CADPS: variants seen among roughly 807,000 people sequenced by gnomAD.
CADPS encodes the protein calcium-dependent secretion activator 1.
In CADPS, 57 loss-of-function variants were observed where a neutral mutation model predicts 167.3. The ratio of observed to expected loss-of-function variants is 0.34; its 90% CI spans 0.28 to 0.42. The LOEUF is 0.42. CADPS is among the 20% of genes least tolerant of loss of function. The probability of loss-of-function intolerance (pLI) is 1.00; values close to 1 mark genes in which losing one functional copy is unlikely to be tolerated. For synonymous variants in CADPS, 676 were observed against 635.3 expected (o/e 1.06, Z -0.96); for missense variants, 1,414 against 1,738.1 (o/e 0.81, Z 3.32).
intron 3 of CADPS, among the ~76,000 whole-genome samples, chr3:62,717,290 G>A (rs966909559): frequency 2.0e-5 from 3 of 152,126 alleles, no homozygotes; most frequent in African/African-American, 7.2e-5. Flanking sequence ...AAAGATAAAT[G>A]CCAAATGGTC....
intron 3 of CADPS, among the ~76,000 whole-genome samples, chr3:62,726,149 A>G (rs1417963849): frequency 6.6e-6 from 1 of 151,830 alleles, no homozygotes; most frequent in Non-Finnish European, 1.5e-5. Context: ...TTGAAGCTCC[A>G]TCCTTGGGTA....
Position 62,455,459 on chromosome 3 carries a change from A to G in CADPS, c.3637-9662T>C, listed in dbSNP as rs2058581970. ...GAAAAGATCCACAACTAGTGACATT[A>G]TGGAGCTGGTATTTGAAGCATGGTT... On this transcript the variant is annotated intron_variant, in intron 26 of 29. Coordinates refer to ENST00000383710, the MANE Select transcript of CADPS (RefSeq NM_003716.4). The surrounding 1 kb of genome is among the most constrained non-coding windows in gnomAD (Gnocchi z 4.4). Among the ~76,000 whole-genome samples the G allele has an allele frequency of 6.6e-6, 1 of 152,178 alleles. No individual in the cohort carries two copies. The highest frequency in any genetic ancestry group is 1.5e-5 in the Non-Finnish European group (1 of 68,038).
chr3:62,493,911 T>C (rs2064171215), intron 18 of CADPS, among the ~76,000 whole-genome samples: 1 of 152,202 alleles, frequency 6.6e-6, no homozygotes, highest in African/African-American at 2.4e-5. Flanking sequence ...GTAAAAAGTA[T>C]TCATTAAGTT....
At chr3:62,720,885 T>C (rs1213485464) in intron 3 of CADPS, among the ~76,000 whole-genome samples, 1 of 150,748 alleles carries the variant, frequency 6.6e-6, no homozygotes, top group East Asian at 2.0e-4. Context: ...TGGTGCGATC[T>C]TGGCTCACTG....
At chr3:62,685,582 T>A (rs2077856065) in intron 3 of CADPS, among the ~76,000 whole-genome samples, 1 of 151,256 alleles carries the variant, frequency 6.6e-6, no homozygotes. Flanking sequence ...GGATACAAAA[T>A]TACAGCTAGA....
rs2068467217 is a variant in CADPS, at chr3:62,514,171, T to C, written c.2582-1403A>G. 6.6e-6 allele frequency among the ~76,000 whole-genome samples: 1 copy of C among 152,072 alleles called. No individual in the cohort carries two copies. Among genetic ancestry groups the C allele is most frequent in the Admixed American group, 6.6e-5 (1 of 15,262 alleles). On this transcript the variant is annotated intron_variant, in intron 16 of 29. Transcript: ENST00000383710. This position sits in a 1 kb window ranked among gnomAD's most constrained non-coding sequence, Gnocchi z 4.2. ...GGGCTCAAATGTAAAAAATGAAAGA[T>C]TTCTTCTCTGAGGGTAGGATCAGAG... is the stretch of plus-strand genomic sequence containing the variant.
chr3:62,770,417 C>G (rs1360353640), intron 1 of CADPS, among the ~76,000 whole-genome samples: 1 of 151,872 alleles, frequency 6.6e-6, no homozygotes, highest in Non-Finnish European at 1.5e-5. Context: ...ATGAGGAATT[C>G]CTTTTTTGTT....
intron 4 of CADPS, among the ~76,000 whole-genome samples, chr3:62,655,890 G>T (rs2071432522): frequency 6.6e-6 from 1 of 152,080 alleles, no homozygotes; most frequent in Admixed American, 6.6e-5. Flanking sequence ...GATGGTATGG[G>T]GGGACATGCC....
intron 28 of CADPS, among the ~76,000 whole-genome samples, chr3:62,432,733 A>G (rs1213062636): frequency 6.6e-6 from 1 of 152,162 alleles, no homozygotes; most frequent in Non-Finnish European, 1.5e-5. Flanking sequence ...TGTTATATAG[A>G]TGAATCAGCT....
intron 1 of CADPS, among the ~76,000 whole-genome samples, chr3:62,842,365 A>T (rs2153048276): frequency 6.6e-6 from 1 of 152,348 alleles, no homozygotes; most frequent in Non-Finnish European, 1.5e-5. Flanking sequence ...ATTGGAATTC[A>T]GGTTGTCAAG....
At chr3:62,826,456 C>CTTATG (rs1321576980) in intron 1 of CADPS, among the ~76,000 whole-genome samples, 5 of 152,130 alleles carry the variant, frequency 3.3e-5, no homozygotes, top group Non-Finnish European at 7.4e-5. Flanking sequence ...GATATAGGAT[C>CTTATG]TCTGTCTTAT....
intron 24 of CADPS, 75 bp from the exon 25 acceptor site, chr3:62,466,488 A>T (rs1216715731): frequency 2.2e-6 from 2 of 927,448 alleles, no homozygotes; most frequent in East Asian, 5.1e-5. Flanking sequence ...TTTTTAGACA[A>T]CTTAATTTAT....
intron 3 of CADPS, among the ~76,000 whole-genome samples, chr3:62,750,553 A>G (rs1349426190): frequency 6.6e-6 from 1 of 152,090 alleles, no homozygotes. Flanking sequence ...GACTTTTGGT[A>G]TTTGTTTTCA....
chr3:62,675,969 C>T (rs1161102047), intron 3 of CADPS, among the ~76,000 whole-genome samples: 1 of 146,798 alleles, frequency 6.8e-6, no homozygotes, highest in African/African-American at 2.4e-5. Context: ...TCCCCAATTA[C>T]TGTAAAATCT....
At chr3:62,599,871 A>T (rs1183113244) in intron 6 of CADPS, among the ~76,000 whole-genome samples, 2 of 65,644 alleles carry the variant, frequency 3.0e-5, no homozygotes, top group Admixed American at 2.7e-4. Flanking sequence ...AATATATAAT[A>T]ATATATAATA....
At chr3:62,406,095 C>T (rs889283861) in intron 28 of CADPS, among the ~76,000 whole-genome samples, 10 of 152,214 alleles carry the variant, frequency 6.6e-5, no homozygotes, top group Non-Finnish European at 7.3e-5. Context: ...GTCTTCCGTT[C>T]CTCCTCCCTA....
intron 3 of CADPS, among the ~76,000 whole-genome samples, chr3:62,675,747 CAG>C (rs1194203854): frequency 6.6e-6 from 1 of 152,144 alleles, no homozygotes; most frequent in Non-Finnish European, 1.5e-5. Context: ...ACCATGAAGA[CAG>C]ATGACTTCTT....
chr3:62,735,195 C>T lies in CADPS; in HGVS notation c.888+18246G>A, dbSNP rs770609808. ...TAGAGCTACATGCATAAATATAAATCAATCTCTCCACTTTAATGATGAGTC... is the reference window on the plus strand; with the variant it reads ...TAGAGCTACATGCATAAATATAAATTAATCTCTCCACTTTAATGATGAGTC... On this transcript the variant is annotated intron_variant, in intron 3 of 29. Coordinates refer to ENST00000383710, the MANE Select transcript of CADPS (RefSeq NM_003716.4). 1.6e-4 allele frequency among the ~76,000 whole-genome samples: 25 copies of T among 151,958 alleles called. 1 individual carries two copies. The highest frequency in any genetic ancestry group is 2.9e-4 in the Non-Finnish European group (20 of 67,984).
chr3:62,550,696 C>T (rs2152267523), intron 10 of CADPS: 2 of 414,896 alleles, frequency 4.8e-6, no homozygotes, highest in Non-Finnish European at 4.9e-6. Context: ...CTCTCCCCTC[C>T]TTTTCTGCCT....
Sources: gnomAD v4.1 joint callset for allele counts (sites outside exome capture counted in the v4.1 genomes callset) on GRCh38, gnomAD v4.1.1 for gene constraint, Gnocchi (gnomAD v3.1) non-coding constraint, MANE v1.5 for transcripts, NCBI Gene and HGNC (gene_info 2026-07-23, HGNC 2026-07-21) for gene names.